Variants in ING4 observed in about 807,000 individuals in gnomAD.
The protein encoded by ING4 is inhibitor of growth family member 4, also known as inhibitor of growth protein 4.
Under a neutral mutation model 33.1 loss-of-function variants are expected in ING4, and 28 were observed. The observed-to-expected ratio is 0.85, with a 90% CI of 0.63 to 1.16. The LOEUF (loss-of-function observed/expected upper bound fraction) is 1.16, where lower values mean the gene tolerates loss of function less well. Among genes scored for constraint, ING4 ranks in the 50% most tolerant of loss-of-function variants. The pLI is 0.00. For missense variants in ING4, 247 were observed against 314.7 expected (o/e 0.78, Z 1.63); for synonymous variants, 87 against 104.4 (o/e 0.83, Z 1.02).
intron 1 of ING4, among the ~76,000 whole-genome samples, chr12:6,661,935 A>T (rs1949568005): frequency 6.6e-6 from 1 of 152,072 alleles, no homozygotes; most frequent in Non-Finnish European, 1.5e-5. Flanking sequence ...TATATTAGTC[A>T]TTTTCCTCTA....
intron 2 of ING4, 88 bp from the exon 3 acceptor site, chr12:6,653,484 A>G: frequency 1.6e-6 from 2 of 1,278,990 alleles, no homozygotes; most frequent in South Asian, 3.0e-5. Flanking sequence ...GACCTTTTCC[A>G]TTGATTAGCA....
At chr12:6,656,874 C>T in intron 1 of ING4, 76 bp from the exon 2 acceptor site, 1 of 920,616 alleles carries the variant, frequency 1.1e-6, no homozygotes, top group Non-Finnish European at 1.6e-6. Context: ...GCAGTTCAGG[C>T]CGGACATGGT....
At chr12:6,661,058 T>G (rs928366984) in intron 1 of ING4, among the ~76,000 whole-genome samples, 7 of 151,822 alleles carry the variant, frequency 4.6e-5, no homozygotes, top group Non-Finnish European at 1.0e-4. Flanking sequence ...CCTCCCAATG[T>G]GCTAGGATTA....
Position 6,658,726 on chromosome 12 carries a change from C to A in ING4, c.38-1928G>T, listed in dbSNP as rs76592027. ...AAAACAAACACAAAAATAAAAAATG[C>A]AAACCTAATCAAGTCACTCTCCCGC... On this transcript the variant is annotated intron_variant, in intron 1 of 7. Coordinates refer to ENST00000341550, the MANE Select transcript of ING4 (RefSeq NM_016162.4). 1.8e-3 allele frequency among the ~76,000 whole-genome samples: 270 copies of A among 152,174 alleles called. 1 individual carries two copies. The highest frequency in any genetic ancestry group is 6.2e-3 in the African/African-American group (257 of 41,518).
rs1160841176 is a variant in ING4 at position 6,650,917 on chromosome 12, G to A, written c.*278C>T. On this transcript the variant is annotated 3_prime_UTR_variant, in exon 8 of 8. Coordinates refer to ENST00000341550, the MANE Select transcript of ING4 (RefSeq NM_016162.4). ...GACCCTCCCTCTGAAATACAGCACC[G>A]ACCTCAGCATGGAGGCAAAAGGACA... 9.4e-6 allele frequency: 5 copies of A among 530,624 alleles called. No homozygotes were observed. The highest frequency in any genetic ancestry group is 4.5e-5 in the South Asian group (2 of 44,002). The allele number at this position is 530,624 out of a possible 1,614,324, so 32.9% of individuals were successfully genotyped here.
chr12:6,662,679 A>G (rs1169741447), intron 1 of ING4, among the ~76,000 whole-genome samples: 1 of 152,160 alleles, frequency 6.6e-6, no homozygotes, highest in Non-Finnish European at 1.5e-5. Context: ...ACTTTTGAGG[A>G]AGAATGGAGT....
intron 1 of ING4, among the ~76,000 whole-genome samples, 187 bp downstream of exon 1, chr12:6,662,878 C>T (rs1455975801): frequency 6.6e-6 from 1 of 152,122 alleles, no homozygotes; most frequent in Non-Finnish European, 1.5e-5. Context: ...CTCGTCTACA[C>T]CCATCAGCGG....
At chr12:6,654,704 T>C (rs1949298125) in intron 2 of ING4, among the ~76,000 whole-genome samples, 1 of 151,988 alleles carries the variant, frequency 6.6e-6, no homozygotes, top group African/African-American at 2.4e-5. Flanking sequence ...TTCCTGTTTG[T>C]CCATCCTAGA....
At position 6,652,683 on chromosome 12, in the gene ING4, T is replaced by A; in HGVS notation, c.476A>T (p.Lys159Met). Residue 159 changes from lysine to methionine, a missense_variant, in exon 5 of 8, where the codon AAG becomes ATG. Physicochemically the swap from Lys to Met is moderately conservative, Grantham distance 95. Transcript: ENST00000341550. ...SDEEAPKTAQKKLKLVRTSPE... is the reference protein window; with the variant it reads ...SDEEAPKTAQMKLKLVRTSPE... The stretch of plus-strand genomic sequence containing the variant: ...TCACGTGCGCACGAGCTTTAACTTC[T>A]TCTGGGCAGTCTTGGGGGCTTCTTC... 6.2e-7 allele frequency: 1 copy of A among 1,614,078 alleles called. No homozygotes were observed. The highest frequency in any genetic ancestry group is 2.2e-5 in the East Asian group (1 of 44,886).
At position 6,651,078 on chromosome 12, in the gene ING4, A is replaced by T; in HGVS notation, c.*117T>A. 8.8e-7 allele frequency: 1 copy of T among 1,135,688 alleles called. No individual in the cohort carries two copies. Among genetic ancestry groups the T allele is most frequent in the Non-Finnish European group, 1.3e-6 (1 of 762,552 alleles). The allele number at this position is 1,135,688 out of a possible 1,614,324, so 70.4% of individuals were successfully genotyped here. ...TGGGGAGAGGGGAGGAGAAGGGATG[A>T]CAGCACTGTGCCATCCACTCCTCCC... On this transcript the variant is annotated 3_prime_UTR_variant, in exon 8 of 8. Coordinates refer to ENST00000341550, the MANE Select transcript of ING4 (RefSeq NM_016162.4).
intron 4 of ING4, 68 bp from the exon 5 acceptor site, chr12:6,652,835 C>T: frequency 6.4e-7 from 1 of 1,571,542 alleles, no homozygotes; most frequent in Non-Finnish European, 8.8e-7. Flanking sequence ...CTCTTCTCTC[C>T]CCCTTTCCAA....
chr12:6,652,338 T>C lies in ING4; in HGVS notation c.578A>G (p.Asn193Ser), dbSNP rs756751323. 5 of 1,614,152 alleles carry C rather than the reference T, an allele frequency of 3.1e-6. No homozygotes were observed. Among genetic ancestry groups the C allele is most frequent in the East Asian group, 2.2e-5 (1 of 44,882 alleles). ...GTGACAAAGGCAATAGGTGGGTTCG[T>C]TGGGATCCACAGGCATATCCAACAC... The part of the protein sequence containing the change: ...SDVLDMPVDP[N>S]EPTYCLCHQV... Residue 193 changes from asparagine (N) to serine (S), a missense_variant, in exon 6 of 8, where the codon AAC (asparagine) becomes AGC (serine). Around this residue, in one of 3 missense-constraint regions of ING4, gnomAD observed 11 missense variants for 43.8 expected, o/e 0.25. Transcript: ENST00000341550.
intron 1 of ING4, among the ~76,000 whole-genome samples, chr12:6,657,600 A>G (rs1949402203): frequency 6.6e-6 from 1 of 152,082 alleles, no homozygotes; most frequent in Non-Finnish European, 1.5e-5. Context: ...CTGCATGGCT[A>G]TCCCACCCTT....
rs1287735118 is a variant in ING4 at position 6,653,020 on chromosome 12, C to T, written c.307G>A (p.Asp103Asn). ...AGATCAGCCTCAAAACGGGCCAGGTCTGTGTCCAGCCGCCGAATGTGTTTG... is the reference window on the plus strand; with the variant it reads ...AGATCAGCCTCAAAACGGGCCAGGTTTGTGTCCAGCCGCCGAATGTGTTTG... ...VDKHIRRLDTDLARFEADLKE... is the reference protein window; with the variant it reads ...VDKHIRRLDTNLARFEADLKE... Residue 103 changes from aspartate to asparagine, a missense_variant, in exon 4 of 8, where the codon GAC becomes AAC. Asp to Asn is a conservative substitution (Grantham distance 23, BLOSUM62 1). Coordinates refer to ENST00000341550, the MANE Select transcript of ING4 (RefSeq NM_016162.4). 6.2e-7 allele frequency: 1 copy of T among 1,614,126 alleles called. No individual in the cohort carries two copies.
Position 6,652,451 on chromosome 12 carries a change from A to C in ING4, c.498-33T>G, listed in dbSNP as rs536407343. The C allele has an allele frequency of 3.4e-5, 55 of 1,608,882 alleles. 2 individuals carry two copies. In the South Asian group the frequency reaches 6.1e-4, roughly 18 times the overall value. ...CCAAGAGGAAGAGAAAGTGTCATCTACAGGAAGGGAAGCTAAAGCCTGAGG... is the reference window on the plus strand; with the variant it reads ...CCAAGAGGAAGAGAAAGTGTCATCTCCAGGAAGGGAAGCTAAAGCCTGAGG... On this transcript the variant is annotated intron_variant, in intron 5 of 7. Transcript: ENST00000341550.
intron 1 of ING4, among the ~76,000 whole-genome samples, chr12:6,662,728 G>A (rs1337465881): frequency 6.6e-6 from 1 of 152,096 alleles, no homozygotes; most frequent in East Asian, 1.9e-4. Context: ...ATGGCAGTGT[G>A]TGATAACGAT....
At chr12:6,655,897 G>T (rs1442790205) in intron 2 of ING4, 1 of 456,362 alleles carries the variant, frequency 2.2e-6, no homozygotes, top group South Asian at 1.5e-5. Context: ...CCAGGCTGGA[G>T]ATGGTATCTA....
At chr12:6,655,729 C>T (rs1949332486) in intron 2 of ING4, 1 of 494,708 alleles carries the variant, frequency 2.0e-6, no homozygotes, top group African/African-American at 2.0e-5. Flanking sequence ...TAAGACACAG[C>T]TTCATGTATC....
At position 6,660,648 on chromosome 12, in the gene ING4, T is replaced by TA. The variant is rs201814087; in HGVS notation, c.37+2416dup. ...AACAGAAAAACTAAAATAAAATAAATAAAAAAAAATAAAATGCCTCTACTG... is the reference window on the plus strand; with the variant it reads ...AACAGAAAAACTAAAATAAAATAAATAAAAAAAAAATAAAATGCCTCTACTG... On this transcript the variant is annotated intron_variant, in intron 1 of 7. Coordinates refer to ENST00000341550, the MANE Select transcript of ING4 (RefSeq NM_016162.4). Among the ~76,000 whole-genome samples the TA allele has an allele frequency of 5.8e-3, 875 of 150,686 alleles. 2 individuals carry two copies. The highest frequency in any genetic ancestry group is 8.6e-3 in the Non-Finnish European group (584 of 67,542).
Sources: gnomAD v4.1 joint callset for allele counts (sites outside exome capture counted in the v4.1 genomes callset) on GRCh38, gnomAD v4.1.1 for gene constraint, gnomAD v4.1.1 regional missense constraint, MANE v1.5 for transcripts, NCBI Gene and HGNC (gene_info 2026-07-23, HGNC 2026-07-21) for gene names.